ZNF208: variants seen among roughly 807,000 people sequenced by gnomAD.
ZNF208 encodes the protein zinc finger protein 208.
In ZNF208, 10 loss-of-function variants were observed where a neutral mutation model predicts 12.1. The observed-to-expected ratio is 0.83, with a 90% CI of 0.51 to 1.40. The LOEUF (loss-of-function observed/expected upper bound fraction) is 1.40. ZNF208 is among the 40% of genes most tolerant of loss of function. The pLI is 0.00. For missense variants in ZNF208, 1,652 were observed against 1,485.0 expected (o/e 1.11, Z -1.85); for synonymous variants, 497 against 488.4 (o/e 1.02, Z -0.23).
At chr19:21,959,418 G>A (rs1970027957) in intron 4 of ZNF208, among the ~76,000 whole-genome samples, 1 of 152,106 alleles carries the variant, frequency 6.6e-6, no homozygotes, top group Non-Finnish European at 1.5e-5. Flanking sequence ...TTTATTAGAA[G>A]GCCATGATTC....
chr19:21,953,614 A>C (rs1969926933), intron 4 of ZNF208, among the ~76,000 whole-genome samples: 2 of 152,238 alleles, frequency 1.3e-5, no homozygotes, highest in South Asian at 2.1e-4. Flanking sequence ...AAATGCTGAC[A>C]GATTTTGTCA....
intron 1 of ZNF208, among the ~76,000 whole-genome samples, chr19:22,000,633 C>T (rs1417974801): frequency 2.0e-5 from 3 of 152,036 alleles, no homozygotes; most frequent in African/African-American, 7.2e-5. Context: ...AACAACCTGA[C>T]ATCATAAATA....
At position 21,968,683 on chromosome 19, in the gene ZNF208, A is replaced by C. The variant is rs1174081825; in HGVS notation, c.*2508T>G. Among the ~76,000 whole-genome samples, 1 of 152,044 alleles carries C rather than the reference A, an allele frequency of 6.6e-6. No individual in the cohort carries two copies. Among genetic ancestry groups the C allele is most frequent in the Non-Finnish European group, 1.5e-5 (1 of 67,996 alleles). ...GGTGCCTTCACTAGATTTTAGTTTC[A>C]TATATTTCACTGATTTAATATAACA... On this transcript the variant is annotated 3_prime_UTR_variant, in exon 4 of 4. Transcript: ENST00000397126.
chr19:21,962,378 G>A (rs1970086792), downstream of ZNF208, among the ~76,000 whole-genome samples: 1 of 151,982 alleles, frequency 6.6e-6, no homozygotes, highest in Non-Finnish European at 1.5e-5. Flanking sequence ...GTTATACTAG[G>A]AGCTATACTT....
intron 4 of ZNF208, among the ~76,000 whole-genome samples, chr19:21,948,160 G>C (rs1184733337): frequency 6.6e-6 from 1 of 152,174 alleles, no homozygotes; most frequent in African/African-American, 2.4e-5. Context: ...ACCGTCTACA[G>C]TTTGCATTCC....
At chr19:21,998,638 A>G (rs1970884086) in intron 1 of ZNF208, 1 of 151,480 alleles carries the variant, frequency 6.6e-6, no homozygotes, top group African/African-American at 2.4e-5. Context: ...GTTTCACCAC[A>G]TTGTCCAGGC....
intron 3 of ZNF208, among the ~76,000 whole-genome samples, chr19:21,977,622 C>A (rs750576879): frequency 6.6e-6 from 1 of 152,144 alleles, no homozygotes. Flanking sequence ...ACACCAGGGC[C>A]CTGGGTTTCA....
intron 4 of ZNF208, chr19:21,941,553 A>T (rs902659005): frequency 5.1e-6 from 2 of 395,132 alleles, no homozygotes; most frequent in African/African-American, 4.2e-5. Flanking sequence ...TTTTTTTTTA[A>T]ACTAAAGTGT....
At chr19:21,978,807 C>A (rs561282741) in intron 3 of ZNF208, among the ~76,000 whole-genome samples, 1 of 151,814 alleles carries the variant, frequency 6.6e-6, no homozygotes, top group Non-Finnish European at 1.5e-5. Flanking sequence ...ATGTTCTAAC[C>A]CAATGCCAGG....
intron 4 of ZNF208, among the ~76,000 whole-genome samples, chr19:21,956,766 C>T (rs886698496): frequency 1.2e-4 from 19 of 152,158 alleles, no homozygotes; most frequent in African/African-American, 4.6e-4. Flanking sequence ...AAAGGGATTA[C>T]CCCAACCCCT....
intron 1 of ZNF208, among the ~76,000 whole-genome samples, chr19:22,010,004 T>C (rs1971115620): frequency 6.6e-6 from 1 of 151,912 alleles, no homozygotes. Context: ...GCTAACATGG[T>C]GAAACCCTTT....
chr19:21,970,163 T>C lies in ZNF208; in HGVS notation c.*1028A>G, dbSNP rs956185980. ...AAAGTCTGAGGTGTTGCCAAAAGCATTGTCACATCTTTCAGGTTTGTAGAG... is the reference window on the plus strand; with the variant it reads ...AAAGTCTGAGGTGTTGCCAAAAGCACTGTCACATCTTTCAGGTTTGTAGAG... On this transcript the variant is annotated 3_prime_UTR_variant, in exon 4 of 4. Coordinates refer to ENST00000397126, the MANE Select transcript of ZNF208 (RefSeq NM_007153.3). 6.6e-6 allele frequency among the ~76,000 whole-genome samples: 1 copy of C among 152,210 alleles called. No individual in the cohort carries two copies. Among genetic ancestry groups the C allele is most frequent in the African/African-American group, 2.4e-5 (1 of 41,462 alleles).
chr19:21,956,786 C>T lies in ZNF208; in HGVS notation c.305+17943G>A, dbSNP rs146648194. 4.7e-3 allele frequency among the ~76,000 whole-genome samples: 712 copies of T among 152,282 alleles called. 5 individuals are homozygous for T. The highest frequency in any genetic ancestry group is 0.02 in the Middle Eastern group (6 of 294). On this transcript the variant is annotated intron_variant, in intron 4 of 4. Transcript: ENST00000599916. ...GATTACCCCAACCCCTTGCACTTTC[C>T]AGCTGTGGTGATGTCCCACCCTGCT...
intron 1 of ZNF208, among the ~76,000 whole-genome samples, chr19:21,996,528 T>C (rs1394518191): frequency 6.6e-6 from 1 of 152,238 alleles, no homozygotes; most frequent in Non-Finnish European, 1.5e-5. Flanking sequence ...CTGACTTTAG[T>C]AACTAAAAGG....
chr19:21,985,120 C>T (rs983079756), intron 3 of ZNF208, among the ~76,000 whole-genome samples: 3 of 152,080 alleles, frequency 2.0e-5, no homozygotes, highest in South Asian at 4.1e-4. Context: ...ATCTTGATAA[C>T]ATTATGCAAA....
At chr19:21,987,616 A>G (rs1970650343) in intron 2 of ZNF208, among the ~76,000 whole-genome samples, 1 of 152,134 alleles carries the variant, frequency 6.6e-6, no homozygotes, top group African/African-American at 2.4e-5. Flanking sequence ...TCAAGGAGAA[A>G]GATACTCCTT....
rs768920395 is a variant in ZNF208 at position 21,972,686 on chromosome 19, C to T, written c.2348G>A (p.Gly783Asp). 4.2e-5 allele frequency: 66 copies of T among 1,590,208 alleles called. No homozygotes were observed. The highest frequency in any genetic ancestry group is 5.4e-5 in the Non-Finnish European group (63 of 1,166,444). Residue 783 changes from glycine (G) to aspartate (D), a missense_variant, in exon 4 of 4, where the codon GGC (glycine) becomes GAC (aspartate). Physicochemically the swap from Gly to Asp is moderately conservative, Grantham distance 94. Around this residue, in one of 3 missense-constraint regions of ZNF208, gnomAD observed 1,239 missense variants for 1,086.2 expected, o/e 1.14. Transcript: ENST00000397126. ...VEKPYKCEEC[G>D]KAFNRSAILI... Reference sequence around the variant, plus strand: ...GATTGCAGATCGGTTAAAAGCTTTGCCACATTCTTCACATTTGTAGGGTTT... The same window carrying T: ...GATTGCAGATCGGTTAAAAGCTTTGTCACATTCTTCACATTTGTAGGGTTT...
chr19:21,941,806 G>C (rs141134882), intron 4 of ZNF208, among the ~76,000 whole-genome samples: 74 of 152,238 alleles, frequency 4.9e-4, no homozygotes, highest in African/African-American at 1.7e-3. Flanking sequence ...ACACAGAATA[G>C]TGTATCGTGC....
At position 21,997,337 on chromosome 19, in the gene ZNF208, C is replaced by T. The variant is rs1358339303; in HGVS notation, c.4-8428G>A. On this transcript the variant is annotated intron_variant, in intron 1 of 3. Coordinates refer to ENST00000397126, the MANE Select transcript of ZNF208 (RefSeq NM_007153.3). ...TGGTTATAATCAATGACAAAATAAACTTTTCACATCTTCATGACTGGAGGT... is the reference window on the plus strand; with the variant it reads ...TGGTTATAATCAATGACAAAATAAATTTTTCACATCTTCATGACTGGAGGT... 9.8e-5 allele frequency among the ~76,000 whole-genome samples: 15 copies of T among 152,306 alleles called. No homozygotes were observed. The South Asian group carries it at 2.9e-3, about 29-fold the overall frequency.
Sources: allele counts gnomAD v4.1 joint callset (sites outside exome capture counted in the v4.1 genomes callset), GRCh38; gene constraint gnomAD v4.1.1; regional missense constraint gnomAD v4.1.1; transcripts MANE v1.5; gene names NCBI Gene and HGNC (gene_info 2026-07-23, HGNC 2026-07-21).